Variants in ITSN1 observed in about 807,000 individuals in gnomAD.
The protein encoded by ITSN1 is intersectin 1.
ITSN1 carries 58 observed loss-of-function variants against 239.8 expected under a neutral mutation model. The observed-to-expected ratio is 0.24, with a 90% CI of 0.20 to 0.30. The LOEUF (loss-of-function observed/expected upper bound fraction) is 0.30, where lower values mean the gene tolerates loss of function less well. Among genes scored for constraint, ITSN1 ranks in the 10% least tolerant of loss-of-function variants. ITSN1 has a pLI of 1.00. For synonymous variants in ITSN1, 780 were observed against 770.8 expected, an observed-to-expected ratio of 1.01 and a Z score of -0.20; for missense variants, 1,558 against 2,103.3, an observed-to-expected ratio of 0.74 and a Z score of 5.07.
intron 1 of ITSN1, among the ~76,000 whole-genome samples, chr21:33,701,665 C>G (rs978706177): frequency 6.6e-6 from 1 of 151,512 alleles, no homozygotes; most frequent in Non-Finnish European, 1.5e-5. Flanking sequence ...TGTGGTGGCA[C>G]GCACCTGTAA....
intron 1 of ITSN1, chr21:33,716,630 C>G (rs1394972965): frequency 1.3e-5 from 2 of 152,088 alleles, no homozygotes; most frequent in African/African-American, 2.4e-5. Context: ...TGAGCTTGGG[C>G]AGTTTTTTAG....
chr21:33,754,040 A>G (rs953603994), intron 7 of ITSN1: 2 of 152,162 alleles, frequency 1.3e-5, no homozygotes, highest in Non-Finnish European at 2.9e-5. Context: ...GGAATTTGGC[A>G]GAAAACTCTG....
intron 5 of ITSN1, among the ~76,000 whole-genome samples, chr21:33,738,212 G>T (rs1400688604): frequency 2.0e-5 from 3 of 151,812 alleles, no homozygotes; most frequent in Non-Finnish European, 4.4e-5. Flanking sequence ...ACAAAAATCT[G>T]ACTCTGCATT....
At chr21:33,857,698 T>C (rs966400326) in intron 30 of ITSN1, among the ~76,000 whole-genome samples, 1 of 152,130 alleles carries the variant, frequency 6.6e-6, no homozygotes, top group African/African-American at 2.4e-5. Flanking sequence ...TTAGGAAGCA[T>C]TGATGCAAAC....
At chr21:33,694,820 A>G (rs528479595) in intron 1 of ITSN1, among the ~76,000 whole-genome samples, 1 of 152,210 alleles carries the variant, frequency 6.6e-6, no homozygotes, top group African/African-American at 2.4e-5. Flanking sequence ...GTGTCTCAAA[A>G]AAAACAAAAA....
intron 33 of ITSN1, among the ~76,000 whole-genome samples, chr21:33,869,121 G>A (rs1982267030): frequency 6.6e-6 from 1 of 152,180 alleles, no homozygotes; most frequent in Non-Finnish European, 1.5e-5. Context: ...GCTACGACCT[G>A]TCTTCAGAAG....
chr21:33,793,090 C>A (rs1454189526), intron 16 of ITSN1, among the ~76,000 whole-genome samples: 2 of 152,170 alleles, frequency 1.3e-5, no homozygotes, highest in Admixed American at 6.5e-5. Context: ...TGGATTTTAA[C>A]TTTAACCTTA....
intron 1 of ITSN1, among the ~76,000 whole-genome samples, chr21:33,694,787 C>G (rs1402876604): frequency 1.3e-5 from 2 of 152,128 alleles, no homozygotes; most frequent in Non-Finnish European, 2.9e-5. Flanking sequence ...CCACTGCACT[C>G]CAGCCTGGGA....
chr21:33,713,863 C>G (rs2092488671), intron 1 of ITSN1, among the ~76,000 whole-genome samples: 1 of 100,804 alleles, frequency 9.9e-6, no homozygotes, highest in Non-Finnish European at 1.8e-5. Flanking sequence ...GAGACGGAGT[C>G]TTGCTCTGTC....
At chr21:33,818,983 G>T (rs1444430156) in intron 23 of ITSN1, among the ~76,000 whole-genome samples, 1 of 152,142 alleles carries the variant, frequency 6.6e-6, no homozygotes, top group African/African-American at 2.4e-5. Context: ...GCATCTCTCA[G>T]TCAGTCATGC....
intron 32 of ITSN1, among the ~76,000 whole-genome samples, chr21:33,867,021 G>A (rs1310017321): frequency 6.6e-6 from 1 of 152,086 alleles, no homozygotes; most frequent in African/African-American, 2.4e-5. Flanking sequence ...AACCCTGCTG[G>A]CTGAGTCACA....
chr21:33,797,518 A>C lies in ITSN1; in HGVS notation c.2092A>C (p.Lys698Gln). The change falls in exon 18 of 40, where the codon AAA becomes CAA. Residue 698 changes from lysine (K) to glutamine (Q), a missense_variant. This residue lies in a region of ITSN1 where 982 missense variants were observed against 1,209.9 expected (regional missense o/e 0.81). Coordinates refer to ENST00000381318, the MANE Select transcript of ITSN1 (RefSeq NM_003024.3). This position sits in a 1 kb window ranked among gnomAD's most constrained non-coding sequence, Gnocchi z 4.9. ...VKKKDGEEKG[K>Q]QEAQDKLGRL... ...AAAGAAGGATGGCGAGGAAAAAGGC[A>C]AACAGGAAGCACAAGACAAGCTGGG... The C allele has an allele frequency of 6.2e-7, 1 of 1,614,188 alleles. No homozygotes were observed. The highest frequency in any genetic ancestry group is 8.5e-7 in the Non-Finnish European group (1 of 1,180,048).
intron 11 of ITSN1, among the ~76,000 whole-genome samples, chr21:33,768,829 A>G (rs2068906175): frequency 6.6e-6 from 1 of 152,210 alleles, no homozygotes; most frequent in Non-Finnish European, 1.5e-5. Context: ...CCTTTTGTTC[A>G]CTGATGAAAT....
intron 33 of ITSN1, among the ~76,000 whole-genome samples, chr21:33,871,141 CA>C (rs1327000809): frequency 1.4e-5 from 2 of 139,012 alleles, no homozygotes; most frequent in East Asian, 2.1e-4. Context: ...AAAAAAAAAA[CA>C]AAAAACAAAA....
intron 1 of ITSN1, among the ~76,000 whole-genome samples, chr21:33,692,532 A>T (rs1220947398): frequency 6.6e-6 from 1 of 152,202 alleles, no homozygotes; most frequent in Non-Finnish European, 1.5e-5. Context: ...ACTGGGTAAC[A>T]TTTACATTTT....
chr21:33,743,863 G>A (rs1042208680), intron 5 of ITSN1, among the ~76,000 whole-genome samples: 7 of 152,190 alleles, frequency 4.6e-5, no homozygotes, highest in Non-Finnish European at 1.0e-4. Flanking sequence ...CTCAGGGAAA[G>A]AACAAGCCAA....
At chr21:33,669,442 GTTTTT>G (rs34272483) in intron 1 of ITSN1, among the ~76,000 whole-genome samples, 1 of 139,878 alleles carries the variant, frequency 7.1e-6, no homozygotes, top group Non-Finnish European at 1.6e-5. Context: ...TTTCATTTAA[GTTTTT>G]TTTTTTTTTT....
Position 33,866,844 on chromosome 21 carries a change from G to GA in ITSN1, c.4075-387dup, listed in dbSNP as rs111516219. Among the ~76,000 whole-genome samples, 9 of 152,214 alleles carry GA rather than the reference G, an allele frequency of 5.9e-5. 2 individuals are homozygous for GA. Among genetic ancestry groups the GA allele is most frequent in the African/African-American group, 1.9e-4 (8 of 41,548 alleles). ...TTCCAGCAGTTCTGGGGTGTAAGGG[G>GA]AATTTTTCCTCTAACCGTATAGTCT... On this transcript the variant is annotated intron_variant, in intron 32 of 39. Coordinates refer to ENST00000381318, the MANE Select transcript of ITSN1 (RefSeq NM_003024.3).
At chr21:33,700,065 T>A (rs1339765017) in intron 1 of ITSN1, among the ~76,000 whole-genome samples, 1 of 149,208 alleles carries the variant, frequency 6.7e-6, no homozygotes, top group East Asian at 2.0e-4. Context: ...CCTGCTTGAA[T>A]TGTTTTTTTT....
Sources: allele counts gnomAD v4.1 joint callset (sites outside exome capture counted in the v4.1 genomes callset), GRCh38; gene constraint gnomAD v4.1.1; regional missense constraint gnomAD v4.1.1; non-coding constraint Gnocchi (gnomAD v3.1); transcripts MANE v1.5; gene names NCBI Gene and HGNC (gene_info 2026-07-23, HGNC 2026-07-21).